The following FAP variants were observed in gnomAD, a reference collection of about 807,000 sequenced individuals.
The protein encoded by FAP is prolyl endopeptidase FAP.
FAP carries 110 observed loss-of-function variants against 126.5 expected under a neutral mutation model. The observed-to-expected ratio is 0.87, with a 90% CI of 0.74 to 1.02. FAP has a LOEUF of 1.02. FAP is among the 50% of genes least tolerant of loss of function. The pLI, the probability that FAP is intolerant of heterozygous loss-of-function variation, is 0.00. For synonymous variants in FAP, 334 were observed against 297.3 expected (o/e 1.12, Z -1.27); for missense variants, 919 against 909.2 (o/e 1.01, Z -0.14).
intron 17 of FAP, among the ~76,000 whole-genome samples, chr2:162,192,425 C>G (rs1233139173): frequency 6.6e-6 from 1 of 152,014 alleles, no homozygotes; most frequent in Non-Finnish European, 1.5e-5. Context: ...AGTTTATCCC[C>G]CTCCTTCTGT....
chr2:162,221,191 A>T (rs1689376997), intron 6 of FAP, among the ~76,000 whole-genome samples: 1 of 152,094 alleles, frequency 6.6e-6, no homozygotes, highest in Non-Finnish European at 1.5e-5. Context: ...GTACATGAGC[A>T]CCAGGCCCCT....
At chr2:162,179,818 T>A (rs1178319497) in intron 21 of FAP, among the ~76,000 whole-genome samples, 11 of 146,882 alleles carry the variant, frequency 7.5e-5, no homozygotes, top group Middle Eastern at 7.1e-3. Context: ...ATATATTTTT[T>A]TTTTTTTTGA....
chr2:162,198,614 A>T, intron 16 of FAP, 143 bp downstream of exon 16: 1 of 1,096,300 alleles, frequency 9.1e-7, no homozygotes, highest in Non-Finnish European at 1.3e-6. Context: ...TCCTCCTTTA[A>T]TTTTTTTTCT....
chr2:162,206,754 C>A (rs188357793), intron 12 of FAP, among the ~76,000 whole-genome samples: 1 of 152,184 alleles, frequency 6.6e-6, no homozygotes, highest in East Asian at 1.9e-4. Context: ...GTTATTTTTT[C>A]TGATTAATAC....
intron 3 of FAP, 104 bp from the exon 4 acceptor site, chr2:162,225,681 T>A (rs1394266962): frequency 6.7e-6 from 8 of 1,196,464 alleles, no homozygotes; most frequent in Admixed American, 3.1e-5. Flanking sequence ...TTGTTTTTCC[T>A]CTCTGTCCAG....
rs1687292999 is a variant in FAP at position 162,171,165 on chromosome 2, A to T, written c.2182-85T>A. The T allele has an allele frequency of 6.5e-6, 6 of 916,900 alleles. 1 individual carries two copies. The South Asian group carries it at 8.7e-5, about 13-fold the overall frequency. The allele number at this position is 916,900 out of a possible 1,614,324, so 56.8% of individuals were successfully genotyped here. On this transcript the variant is annotated intron_variant, in intron 25 of 25. Transcript: ENST00000188790. ...GACTTTTTTGTGCTCTCAGGACCTG[A>T]TAATCTTTCTATTATGGGGAAACTG...
At chr2:162,215,832 A>C (rs770274580) in intron 10 of FAP, 66 bp downstream of exon 10, 50 of 1,126,986 alleles carry the variant, frequency 4.4e-5, no homozygotes, top group Middle Eastern at 2.0e-4. Context: ...TTTTGCTTCT[A>C]GCATGCACAG....
At chr2:162,238,308 A>T (rs949121912) in intron 2 of FAP, among the ~76,000 whole-genome samples, 70 of 152,144 alleles carry the variant, frequency 4.6e-4, no homozygotes, top group South Asian at 1.5e-3. Context: ...CAGACTTTTG[A>T]ATCTGGTTTT....
chr2:162,200,589 G>C lies in FAP; in HGVS notation c.1254C>G (p.Tyr418Ter). 6.8e-7 allele frequency: 1 copy of C among 1,472,470 alleles called. No individual in the cohort carries two copies. The highest frequency in any genetic ancestry group is 9.3e-7 in the Non-Finnish European group (1 of 1,076,400). 91.2% of individuals were successfully genotyped at this position (1,472,470 alleles called of 1,614,324 possible). The change falls in exon 15 of 26, where the codon TAC (tyrosine) becomes TAG (stop). Residue 418 changes from tyrosine (Y) to a stop codon, truncating the protein, a stop_gained. Transcript: ENST00000188790. LOFTEE classifies it high-confidence loss of function. ...LFYSSNEFEE[Y>*]PGRRNIYRIS... ...ACCTGTAGATGTTTCTTCTTCCAGG[G>C]TATTCTTCAAATTCATTGCTAGAAT...
At chr2:162,173,123 GT>G in intron 24 of FAP, 25 bp downstream of exon 24, 1 of 1,585,928 alleles carries the variant, frequency 6.3e-7, no homozygotes, top group Non-Finnish European at 8.7e-7. Context: ...GTATTTTTAT[GT>G]GTAAGAGTCT....
intron 17 of FAP, among the ~76,000 whole-genome samples, chr2:162,192,016 A>G (rs1439954828): frequency 1.3e-5 from 2 of 150,486 alleles, no homozygotes; most frequent in African/African-American, 4.9e-5. Flanking sequence ...CTTCTTAGGG[A>G]CCTCCCTCCT....
In FAP at chr2:162,174,962, T is replaced by C. The variant is rs893671014; in HGVS notation, c.1874A>G (p.Tyr625Cys). Residue 625 changes from tyrosine (Y) to cysteine (C), a missense_variant, in exon 22 of 26, where the codon TAT becomes TGT. Transcript: ENST00000188790. ...EKRIAIWGWS[Y>C]GGYVSSLALA... Reference sequence around the variant, plus strand: ...GGCCAGTGATGAAACGTATCCTCCATAGGACTGTAGAGACATTGTTATGAG... The same window carrying C: ...GGCCAGTGATGAAACGTATCCTCCACAGGACTGTAGAGACATTGTTATGAG... The C allele has an allele frequency of 3.7e-6, 6 of 1,607,802 alleles. No individual in the cohort carries two copies. The highest frequency in any genetic ancestry group is 5.1e-6 in the Non-Finnish European group (6 of 1,174,798).
intron 2 of FAP, among the ~76,000 whole-genome samples, chr2:162,230,918 T>C (rs900051287): frequency 6.6e-6 from 1 of 152,144 alleles, no homozygotes; most frequent in African/African-American, 2.4e-5. Context: ...AAACTCACGG[T>C]AGGTGGGTGA....
rs192963947 is a variant in FAP, at chr2:162,189,745, A to T, written c.1460T>A (p.Ile487Asn). 2.6e-6 allele frequency: 4 copies of T among 1,558,242 alleles called. No homozygotes were observed. In the Admixed American group the frequency reaches 7.1e-5, roughly 28 times the overall value. ...HDGRTDQEIK[I>N]LEENKELENA... ...TTCCAATTCCTTGTTTTCTTCCAGG[A>T]TTTTAATTTCTGAAAAATGTTAAAT... The change falls in exon 18 of 26, where the codon ATC becomes AAC. Residue 487 changes from isoleucine (I) to asparagine (N), a missense_variant. Transcript: ENST00000188790.
chr2:162,171,051 G>A lies in FAP; in HGVS notation c.2211C>T (p.Ser737=), dbSNP rs150790668. The change falls in exon 26 of 26, where the codon TCC becomes TCT. Residue 737 remains serine, a synonymous_variant. Transcript: ENST00000188790. ...MWYSDQNHGL[S]GLSTNHLYTH... is the part of the protein sequence containing the mutation. Reference sequence around the variant, plus strand: ...TGTATAAGTGGTTCGTGGACAGGCCGGATAAGCCGTGGTTCTGGTCAGAGT... The same window carrying A: ...TGTATAAGTGGTTCGTGGACAGGCCAGATAAGCCGTGGTTCTGGTCAGAGT... 3,452 of 1,613,066 alleles carry A rather than the reference G, an allele frequency of 2.1e-3. 3 individuals carry two copies. The highest frequency in any genetic ancestry group is 2.7e-3 in the Non-Finnish European group (3,137 of 1,179,290).
At position 162,219,119 on chromosome 2, in the gene FAP, G is replaced by A; in HGVS notation, c.551C>T (p.Thr184Ile). Residue 184 changes from threonine to isoleucine, a missense_variant, in exon 8 of 26, where the codon ACA (threonine) becomes ATA (isoleucine). Physicochemically the swap from Thr to Ile is moderately conservative, Grantham distance 89. Transcript: ENST00000188790. ...TATTTTATTTTCTCTTCCATTAAAT[G>A]TTATTTGAAAAGGTGGATCTCCTGG... ...QRPGDPPFQI[T>I]FNGRENKIFN... 6.2e-7 allele frequency: 1 copy of A among 1,605,230 alleles called. No homozygotes were observed. Among genetic ancestry groups the A allele is most frequent in the Non-Finnish European group, 8.5e-7 (1 of 1,174,210 alleles).
intron 12 of FAP, among the ~76,000 whole-genome samples, chr2:162,206,316 T>C (rs1187539175): frequency 6.6e-6 from 1 of 152,232 alleles, no homozygotes; most frequent in East Asian, 1.9e-4. Context: ...CTTACACTGG[T>C]TTCTTTATTA....
chr2:162,199,668 A>C (rs529521073), intron 15 of FAP, among the ~76,000 whole-genome samples: 1 of 134,384 alleles, frequency 7.4e-6, no homozygotes, highest in South Asian at 2.1e-4. Context: ...CTCCTGTGCC[A>C]ACCTGTGAGT....
At chr2:162,217,264 G>T (rs926742386) in intron 9 of FAP, among the ~76,000 whole-genome samples, 1 of 152,198 alleles carries the variant, frequency 6.6e-6, no homozygotes, top group Non-Finnish European at 1.5e-5. Flanking sequence ...GAACAAAGAA[G>T]TGAATTCTAA....
Sources: allele counts gnomAD v4.1 joint callset (sites outside exome capture counted in the v4.1 genomes callset), GRCh38; gene constraint gnomAD v4.1.1; transcripts MANE v1.5; gene names NCBI Gene and HGNC (gene_info 2026-07-23, HGNC 2026-07-21).